The following RBFOX1 variants were observed in gnomAD, a reference collection of about 807,000 sequenced individuals.
The protein encoded by RBFOX1 is RNA binding fox-1 homolog 1.
A neutral mutation model predicts 57.7 loss-of-function variants in RBFOX1; 8 were observed. The ratio of observed to expected loss-of-function variants is 0.14; its 90% CI spans 0.08 to 0.25. The LOEUF (loss-of-function observed/expected upper bound fraction) is 0.25, where lower values mean the gene tolerates loss of function less well. Ranked by LOEUF, RBFOX1 falls within the 10% of genes least tolerant of loss-of-function variation. RBFOX1 has a pLI of 1.00. For missense variants in RBFOX1, 611 were observed against 548.5 expected (o/e 1.11, Z -1.14); for synonymous variants, 326 against 222.4 (o/e 1.47, Z -4.15).
rs377541342 is a variant in RBFOX1, at chr16:7,052,751, G to C, written c.27+653G>C. Among the ~76,000 whole-genome samples the C allele has an allele frequency of 2.6e-5, 4 of 152,280 alleles. No individual in the cohort carries two copies. In the East Asian group the frequency reaches 7.7e-4, roughly 29 times the overall value. On this transcript the variant is annotated intron_variant, in intron 4 of 15. Coordinates refer to ENST00000550418, the MANE Select transcript of RBFOX1 (RefSeq NM_018723.4). ...ATTGTTCTGCTTTCATTGTGTCAGA[G>C]TGGACATTCTTCTTGGTATGGGGAT...
At chr16:6,683,473 C>T (rs1244707309) in intron 3 of RBFOX1, among the ~76,000 whole-genome samples, 1 of 152,084 alleles carries the variant, frequency 6.6e-6, no homozygotes, top group Non-Finnish European at 1.5e-5. Context: ...AAAAAAATAC[C>T]TGTAATATAT....
intron 1 of RBFOX1, among the ~76,000 whole-genome samples, chr16:5,328,841 A>C (rs7193122): frequency 0.14 from 20,628 of 152,158 alleles, 4,736 homozygotes; most frequent in African/African-American, 0.47. Context: ...AGAAGGGAGA[A>C]CTCATGGCCC....
At chr16:6,265,438 T>C (rs1598967230) in intron 1 of RBFOX1, among the ~76,000 whole-genome samples, 3 of 152,146 alleles carry the variant, frequency 2.0e-5, no homozygotes, top group African/African-American at 7.2e-5. Context: ...ATTTTTGTAT[T>C]TGTAGTAGAG....
chr16:6,133,443 C>T (rs373304179), intron 1 of RBFOX1, among the ~76,000 whole-genome samples: 5 of 152,194 alleles, frequency 3.3e-5, no homozygotes, highest in Non-Finnish European at 7.3e-5. Flanking sequence ...CACTTACATT[C>T]CCTGCCTCTT....
At chr16:6,973,917 C>G (rs1488688327) in intron 3 of RBFOX1, among the ~76,000 whole-genome samples, 2 of 152,156 alleles carry the variant, frequency 1.3e-5, no homozygotes, top group African/African-American at 4.8e-5. Context: ...GCTTTTATCC[C>G]TAATGCTCGT....
intron 4 of RBFOX1, among the ~76,000 whole-genome samples, chr16:5,966,648 C>A (rs1212940797): frequency 6.6e-6 from 1 of 152,090 alleles, no homozygotes; most frequent in Non-Finnish European, 1.5e-5. Context: ...GACAAGGTTT[C>A]GCCACACACC....
At chr16:6,804,187 T>A (rs1450068442) in intron 3 of RBFOX1, among the ~76,000 whole-genome samples, 2 of 151,950 alleles carry the variant, frequency 1.3e-5, no homozygotes, top group Admixed American at 1.3e-4. Context: ...TGTTTGTATT[T>A]TTAGTAGAGA....
At chr16:7,704,126 G>A (rs570492212) in intron 14 of RBFOX1, among the ~76,000 whole-genome samples, 4 of 152,304 alleles carry the variant, frequency 2.6e-5, no homozygotes, top group East Asian at 1.9e-4. Flanking sequence ...CAAGTCATGA[G>A]AGCAAGGACA....
At chr16:7,569,607 C>G (rs2092559564) in intron 5 of RBFOX1, among the ~76,000 whole-genome samples, 1 of 152,138 alleles carries the variant, frequency 6.6e-6, no homozygotes, top group Non-Finnish European at 1.5e-5. Context: ...GTAAAGTATC[C>G]TATTCAAGAT....
chr16:6,272,950 C>G (rs2152679203), intron 1 of RBFOX1, among the ~76,000 whole-genome samples: 1 of 152,134 alleles, frequency 6.6e-6, no homozygotes, highest in Non-Finnish European at 1.5e-5. Context: ...AAACATAAAA[C>G]TATAAAACAT....
At chr16:6,145,935 G>A (rs2096754685) in intron 1 of RBFOX1, among the ~76,000 whole-genome samples, 1 of 152,136 alleles carries the variant, frequency 6.6e-6, no homozygotes, top group South Asian at 2.1e-4. Context: ...GGATGAATTT[G>A]CACTAATCCA....
At chr16:5,827,548 C>A (rs1212268315) in intron 3 of RBFOX1, among the ~76,000 whole-genome samples, 2 of 151,992 alleles carry the variant, frequency 1.3e-5, no homozygotes, top group East Asian at 1.9e-4. Flanking sequence ...CTGACAAGGG[C>A]CAGGTAGTAA....
intron 3 of RBFOX1, among the ~76,000 whole-genome samples, chr16:5,799,249 G>C (rs913077356): frequency 6.6e-6 from 1 of 152,012 alleles, no homozygotes; most frequent in Non-Finnish European, 1.5e-5. Flanking sequence ...GGGGGAAACT[G>C]CCCCCATGAC....
chr16:6,554,426 G>A (rs2097055542), intron 2 of RBFOX1, among the ~76,000 whole-genome samples: 1 of 151,904 alleles, frequency 6.6e-6, no homozygotes, highest in African/African-American at 2.4e-5. Context: ...CCCTCCCGGG[G>A]TAATAAAAAA....
intron 2 of RBFOX1, among the ~76,000 whole-genome samples, chr16:6,643,885 G>A (rs775380713): frequency 1.1e-4 from 17 of 152,032 alleles, no homozygotes; most frequent in Non-Finnish European, 2.2e-4. Flanking sequence ...CAGCACTTTC[G>A]GAGGCCAAGG....
chr16:7,710,293 G>T (rs1176476551), intron 15 of RBFOX1: 2 of 1,142,404 alleles, frequency 1.8e-6, no homozygotes, highest in Admixed American at 5.1e-5. Context: ...TCAACAACTG[G>T]TCCAAATTCA....
chr16:7,438,856 G>C (rs1390954124), intron 4 of RBFOX1, among the ~76,000 whole-genome samples: 1 of 152,150 alleles, frequency 6.6e-6, no homozygotes, highest in Admixed American at 6.5e-5. Flanking sequence ...GTCAAAGCCT[G>C]ATGCTCTGTC....
chr16:6,607,079 G>A (rs892218671), intron 2 of RBFOX1, among the ~76,000 whole-genome samples: 1 of 152,090 alleles, frequency 6.6e-6, no homozygotes, highest in Non-Finnish European at 1.5e-5. Context: ...ATATACCTGA[G>A]GCTGCTGCCT....
At chr16:5,283,936 G>C (rs2063331819) in intron 1 of RBFOX1, among the ~76,000 whole-genome samples, 1 of 152,114 alleles carries the variant, frequency 6.6e-6, no homozygotes, top group African/African-American at 2.4e-5. Context: ...GGGGCAGAAT[G>C]ATATGGTTTG....
Sources: gnomAD v4.1 joint callset for allele counts (sites outside exome capture counted in the v4.1 genomes callset) on GRCh38, gnomAD v4.1.1 for gene constraint, MANE v1.5 for transcripts, NCBI Gene and HGNC (gene_info 2026-07-23, HGNC 2026-07-21) for gene names.